TRPM3: variants seen among roughly 807,000 people sequenced by gnomAD.
TRPM3 encodes transient receptor potential cation channel subfamily M member 3.
In TRPM3, 77 loss-of-function variants were observed where a neutral mutation model predicts 181.2. The observed-to-expected ratio is 0.42, with a 90% CI of 0.35 to 0.51. The LOEUF (loss-of-function observed/expected upper bound fraction) is 0.51. Among genes scored for constraint, TRPM3 ranks in the 20% least tolerant of loss-of-function variants. The pLI is 0.01. For missense variants in TRPM3, 1,759 were observed against 2,196.7 expected, an observed-to-expected ratio of 0.80 and a Z score of 3.98; for synonymous variants, 745 against 796.4, an observed-to-expected ratio of 0.94 and a Z score of 1.09.
chr9:71,040,961 G>C (rs900884008), intron 1 of TRPM3, among the ~76,000 whole-genome samples: 3 of 152,120 alleles, frequency 2.0e-5, no homozygotes, highest in African/African-American at 7.2e-5. Context: ...GGAAACGGAG[G>C]GGACGTGACG....
At chr9:71,371,527 G>A (rs191413213) in intron 1 of TRPM3, among the ~76,000 whole-genome samples, 19 of 152,348 alleles carry the variant, frequency 1.2e-4, no homozygotes, top group African/African-American at 4.1e-4. Context: ...GCTTGATGAT[G>A]TGACTGAATT....
chr9:71,222,468 T>C (rs895052948), intron 1 of TRPM3, among the ~76,000 whole-genome samples: 4 of 152,162 alleles, frequency 2.6e-5, no homozygotes, highest in South Asian at 2.1e-4. Context: ...TTTTAATAAA[T>C]GAACACAGAA....
intron 1 of TRPM3, among the ~76,000 whole-genome samples, chr9:71,302,155 T>A (rs1286631075): frequency 6.7e-6 from 1 of 149,320 alleles, no homozygotes; most frequent in Non-Finnish European, 1.5e-5. Flanking sequence ...TCTATGAAAC[T>A]GTAGTTTAAA....
chr9:70,663,727 T>C (rs1339214380), intron 9 of TRPM3, among the ~76,000 whole-genome samples: 1 of 152,198 alleles, frequency 6.6e-6, no homozygotes, highest in Non-Finnish European at 1.5e-5. Context: ...TCTCTGGTAT[T>C]AGGATGGATA....
intron 8 of TRPM3, among the ~76,000 whole-genome samples, chr9:70,753,688 G>A (rs1321292918): frequency 6.6e-6 from 1 of 152,160 alleles, no homozygotes; most frequent in Non-Finnish European, 1.5e-5. Flanking sequence ...GAGAAGCCTG[G>A]CATCCAGGTT....
chr9:71,052,578 TA>T (rs2060176982), intron 1 of TRPM3, among the ~76,000 whole-genome samples: 3 of 152,262 alleles, frequency 2.0e-5, no homozygotes, highest in African/African-American at 7.2e-5. Context: ...GAAAATCACT[TA>T]CGCTTCTTGC....
chr9:71,328,495 G>A (rs2089882510), intron 1 of TRPM3, among the ~76,000 whole-genome samples: 2 of 152,016 alleles, frequency 1.3e-5, no homozygotes, highest in South Asian at 4.2e-4. Flanking sequence ...CCACATATGT[G>A]GAAGCTCAAC....
intron 6 of TRPM3, among the ~76,000 whole-genome samples, chr9:70,785,640 C>T (rs557268367): frequency 2.8e-4 from 43 of 152,228 alleles, no homozygotes; most frequent in African/African-American, 9.1e-4. Context: ...ACTGCTTCCC[C>T]GTAATGAGTA....
chr9:70,788,870 C>G (rs1321967970), intron 6 of TRPM3, among the ~76,000 whole-genome samples: 1 of 152,080 alleles, frequency 6.6e-6, no homozygotes, highest in Non-Finnish European at 1.5e-5. Flanking sequence ...GCTGATCTGA[C>G]AGGAGGCAGA....
At chr9:70,864,398 T>C in intron 2 of TRPM3, 34 bp downstream of exon 2, 2 of 1,418,882 alleles carry the variant, frequency 1.4e-6, no homozygotes, top group South Asian at 1.6e-5. Context: ...TAATTACTAC[T>C]TCATGTTCTC....
chr9:71,222,093 G>A (rs1371300753), intron 1 of TRPM3, among the ~76,000 whole-genome samples: 2 of 152,132 alleles, frequency 1.3e-5, no homozygotes, highest in Non-Finnish European at 2.9e-5. Flanking sequence ...TTGCCTTTAG[G>A]ATGTGCTTTC....
At position 71,203,562 on chromosome 9, in the gene TRPM3, C is replaced by T. The variant is rs1216009830; in HGVS notation, c.183+243091G>A. Among the ~76,000 whole-genome samples, 4 of 152,276 alleles carry T rather than the reference C, an allele frequency of 2.6e-5. No individual in the cohort carries two copies. The East Asian group carries it at 5.8e-4, about 22-fold the overall frequency. Reference sequence around the variant, plus strand: ...ATATCAGAAAGAATAACTTTGGAGACTGTCTGTGTTGAAGTCCCAGTTATG... The same window carrying T: ...ATATCAGAAAGAATAACTTTGGAGATTGTCTGTGTTGAAGTCCCAGTTATG... On this transcript the variant is annotated intron_variant, in intron 1 of 24. Coordinates refer to the TRPM3 transcript ENST00000357533.
intron 1 of TRPM3, among the ~76,000 whole-genome samples, chr9:71,051,603 G>C (rs115065931): frequency 0.011 from 1,585 of 150,614 alleles, 38 homozygotes; most frequent in African/African-American, 0.036. Context: ...GCGGCGGGGT[G>C]GGGGGGTTAT....
At chr9:71,083,734 A>ACACAC (rs1178018907) in intron 1 of TRPM3, among the ~76,000 whole-genome samples, 10 of 151,558 alleles carry the variant, frequency 6.6e-5, no homozygotes, top group African/African-American at 2.4e-4. Context: ...ACACACACAC[A>ACACAC]CACACACACA....
chr9:70,923,950 A>ATATATATGTGTGTG (rs2096692005), intron 1 of TRPM3, among the ~76,000 whole-genome samples: 1 of 151,108 alleles, frequency 6.6e-6, no homozygotes, highest in African/African-American at 2.4e-5. Flanking sequence ...ATATATATAC[A>ATATATATGTGTGTG]CACACACACA....
rs1232185142 is a variant in TRPM3 at position 71,240,222 on chromosome 9, G to A, written c.183+206431C>T. On this transcript the variant is annotated intron_variant, in intron 1 of 24. Coordinates refer to the TRPM3 transcript ENST00000357533. ...TGCCAGATTCTTTAAAGCATATGTT[G>A]TAAATTAAAACAATTTTTTATTTTA... Among the ~76,000 whole-genome samples, 26 of 152,098 alleles carry A rather than the reference G, an allele frequency of 1.7e-4. 1 individual carries two copies. The highest frequency in any genetic ancestry group is 1.7e-3 in the Admixed American group (26 of 15,260).
chr9:70,761,216 G>A, intron 8 of TRPM3: 1 of 571,226 alleles, frequency 1.8e-6, no homozygotes. Context: ...TGTCATTAAA[G>A]CTATTTGACA....
At position 70,670,113 on chromosome 9, in the gene TRPM3, C is replaced by T. The variant is rs570001613; in HGVS notation, c.1345+11393G>A. 1.5e-3 allele frequency among the ~76,000 whole-genome samples: 231 copies of T among 152,062 alleles called. 2 individuals carry two copies. The highest frequency in any genetic ancestry group is 5.3e-3 in the African/African-American group (221 of 41,452). ...TGGGGTGTGAGATAGTATGATACTGCGAAAGTCACAGGTGAAATTTCTCTG... is the reference window on the plus strand; with the variant it reads ...TGGGGTGTGAGATAGTATGATACTGTGAAAGTCACAGGTGAAATTTCTCTG... On this transcript the variant is annotated intron_variant, in intron 9 of 25. Transcript: ENST00000677713.
At chr9:71,290,202 G>T (rs543919833) in intron 1 of TRPM3, among the ~76,000 whole-genome samples, 2 of 151,934 alleles carry the variant, frequency 1.3e-5, no homozygotes, top group East Asian at 3.9e-4. Flanking sequence ...GTAATGTGAC[G>T]CACTCTTTTT....
Sources: allele counts gnomAD v4.1 joint callset (sites outside exome capture counted in the v4.1 genomes callset), GRCh38; gene constraint gnomAD v4.1.1; transcripts MANE v1.5; gene names NCBI Gene and HGNC (gene_info 2026-07-23, HGNC 2026-07-21).